The following ATAD1 variants were observed in gnomAD, a reference collection of about 807,000 sequenced individuals.
The protein encoded by ATAD1 is outer mitochondrial transmembrane helix translocase.
In ATAD1, 18 loss-of-function variants were observed where a neutral mutation model predicts 42.7. That is an observed-to-expected ratio of 0.42 (90% CI 0.29 to 0.63). The LOEUF (loss-of-function observed/expected upper bound fraction) is 0.63. Ranked by LOEUF, ATAD1 falls within the 20% of genes least tolerant of loss-of-function variation. ATAD1 has a pLI of 0.19. For synonymous variants in ATAD1, 132 were observed against 143.1 expected (o/e 0.92, Z 0.55); for missense variants, 294 against 440.4 (o/e 0.67, Z 2.98).
intron 1 of ATAD1, among the ~76,000 whole-genome samples, chr10:87,831,738 T>A (rs1857833427): frequency 6.6e-6 from 1 of 152,226 alleles, no homozygotes; most frequent in Admixed American, 6.5e-5. Context: ...TCAGTTATAA[T>A]GTCGTATGGC....
At chr10:87,780,763 C>T (rs1855526141) in intron 5 of ATAD1, among the ~76,000 whole-genome samples, 1 of 152,250 alleles carries the variant, frequency 6.6e-6, no homozygotes, top group East Asian at 1.9e-4. Flanking sequence ...TAGACATATA[C>T]AGCATCAAAA....
chr10:87,783,738 C>A (rs148794931), intron 5 of ATAD1, among the ~76,000 whole-genome samples: 1 of 151,728 alleles, frequency 6.6e-6, no homozygotes, highest in East Asian at 1.9e-4. Context: ...AAAGTCATGA[C>A]ATACAGCAAA....
intron 5 of ATAD1, among the ~76,000 whole-genome samples, chr10:87,782,513 G>A: frequency 6.6e-6 from 1 of 152,116 alleles, no homozygotes; most frequent in East Asian, 1.9e-4. Context: ...TGTAAGAGAT[G>A]AGATATTATT....
intron 1 of ATAD1, among the ~76,000 whole-genome samples, chr10:87,823,357 C>T (rs956006042): frequency 8.5e-5 from 13 of 152,116 alleles, no homozygotes; most frequent in African/African-American, 3.1e-4. Flanking sequence ...TTACAACCTA[C>T]AATATTTTAT....
intron 1 of ATAD1, among the ~76,000 whole-genome samples, chr10:87,835,215 G>A (rs2132116196): frequency 6.6e-6 from 1 of 152,126 alleles, no homozygotes; most frequent in East Asian, 1.9e-4. Context: ...GTTGGGTGGA[G>A]TATTTTATAA....
chr10:87,756,641 G>GC (rs1189396195), intron 9 of ATAD1, 148 bp downstream of exon 9: 1 of 683,456 alleles, frequency 1.5e-6, no homozygotes, highest in Non-Finnish European at 2.1e-6. Flanking sequence ...TGGAAAAATG[G>GC]CAATAAATAA....
At chr10:87,783,681 C>G (rs1855677851) in intron 5 of ATAD1, among the ~76,000 whole-genome samples, 1 of 151,156 alleles carries the variant, frequency 6.6e-6, no homozygotes, top group Non-Finnish European at 1.5e-5. Context: ...GTACCAGGAA[C>G]AGAACAAAAA....
chr10:87,785,604 T>C (rs962369398), intron 4 of ATAD1, among the ~76,000 whole-genome samples: 8 of 150,798 alleles, frequency 5.3e-5, no homozygotes, highest in African/African-American at 1.9e-4. Flanking sequence ...TCTATATAGA[T>C]GGCATGCTAG....
At chr10:87,794,458 G>A (rs1207047090) in intron 2 of ATAD1, among the ~76,000 whole-genome samples, 5 of 152,138 alleles carry the variant, frequency 3.3e-5, no homozygotes, top group Admixed American at 6.5e-5. Context: ...CAGTAAATGT[G>A]AAACCCTCCC....
intron 8 of ATAD1, among the ~76,000 whole-genome samples, chr10:87,762,679 G>T (rs1402300945): frequency 1.3e-5 from 2 of 151,454 alleles, no homozygotes; most frequent in Non-Finnish European, 2.9e-5. Context: ...TGTTGGCCAG[G>T]CTGGTTTCGA....
At chr10:87,819,077 C>G (rs1459712626), upstream of ATAD1, 1 of 151,978 alleles carries the variant, frequency 6.6e-6, no homozygotes, top group East Asian at 1.9e-4. Context: ...TCCCTGTGTT[C>G]CTCAGGAAGG....
chr10:87,761,749 G>A (rs1258153958), intron 8 of ATAD1, among the ~76,000 whole-genome samples: 1 of 152,010 alleles, frequency 6.6e-6, no homozygotes, highest in Admixed American at 6.6e-5. Flanking sequence ...CTAAAATTAA[G>A]AGACATGTAT....
rs1158761674 is a variant in ATAD1 at position 87,816,516 on chromosome 10, G to A, written c.-14+1651C>T. On this transcript the variant is annotated intron_variant, in intron 1 of 9. Transcript: ENST00000680024. ...ACTATATATTGGATATACAATAATT[G>A]TTAAGATATCACCACTTCATTCAAA... 2.0e-5 allele frequency among the ~76,000 whole-genome samples: 3 copies of A among 152,030 alleles called. No homozygotes were observed. The South Asian group carries it at 6.2e-4, about 31-fold the overall frequency.
intron 3 of ATAD1, among the ~76,000 whole-genome samples, chr10:87,792,426 T>C (rs1195940875): frequency 1.3e-5 from 2 of 152,218 alleles, no homozygotes; most frequent in African/African-American, 4.8e-5. Flanking sequence ...ACTTGGAATC[T>C]TGCGCCTGGC....
In ATAD1 at chr10:87,808,108, T is replaced by C. The variant is rs540774632; in HGVS notation, c.162+6330A>G. 5.2e-4 allele frequency among the ~76,000 whole-genome samples: 79 copies of C among 152,354 alleles called. 1 individual carries two copies. The South Asian group carries it at 0.016, about 30-fold the overall frequency. On this transcript the variant is annotated intron_variant, in intron 2 of 9. Transcript: ENST00000680024. ...ACAGAAACAGCTGATTTTCGTATAC[T>C]GATTTTAAATCCAGCAAACCCATCA...
intron 8 of ATAD1, among the ~76,000 whole-genome samples, chr10:87,766,415 G>A (rs1352602562): frequency 2.0e-5 from 3 of 152,018 alleles, no homozygotes; most frequent in South Asian, 2.1e-4. Flanking sequence ...CCTATGTAGT[G>A]TAAAAACAAA....
At chr10:87,835,649 G>A (rs1188432217) in intron 1 of ATAD1, among the ~76,000 whole-genome samples, 1 of 152,002 alleles carries the variant, frequency 6.6e-6, no homozygotes, top group Non-Finnish European at 1.5e-5. Context: ...TCCATTTAAT[G>A]TAATAATTGA....
chr10:87,794,176 T>C (rs1007927434), intron 2 of ATAD1, among the ~76,000 whole-genome samples: 2 of 152,130 alleles, frequency 1.3e-5, no homozygotes, highest in Admixed American at 6.6e-5. Context: ...GCCATAATCA[T>C]GCCACTGCAT....
upstream of ATAD1, chr10:87,818,278 G>C (rs546887866): frequency 2.0e-6 from 2 of 985,146 alleles, no homozygotes; most frequent in Admixed American, 6.1e-5. Flanking sequence ...CCCTCCCACG[G>C]AGCATGCGCG....
Sources: allele counts gnomAD v4.1 joint callset (sites outside exome capture counted in the v4.1 genomes callset), GRCh38; gene constraint gnomAD v4.1.1; transcripts MANE v1.5; gene names NCBI Gene and HGNC (gene_info 2026-07-23, HGNC 2026-07-21).